PADI3: variants seen among roughly 807,000 people sequenced by gnomAD.
The protein encoded by PADI3 is protein-arginine deiminase type-3.
Under a neutral mutation model 71.5 loss-of-function variants are expected in PADI3, and 53 were observed. That is an observed-to-expected ratio of 0.74 (90% confidence interval 0.59 to 0.93). The LOEUF is 0.93. Among genes scored for constraint, PADI3 ranks in the 40% least tolerant of loss-of-function variants. The pLI is 0.00. For missense variants in PADI3, 821 were observed against 868.0 expected (o/e 0.95, Z 0.68); for synonymous variants, 361 against 347.5 (o/e 1.04, Z -0.43).
chr1:17,271,201 G>T, intron 9 of PADI3, 23 bp downstream of exon 9: 1 of 1,598,852 alleles, frequency 6.3e-7, no homozygotes, highest in Non-Finnish European at 8.6e-7. Flanking sequence ...ACTGGGCAGG[G>T]CCCAGCAAGG....
intron 3 of PADI3, among the ~76,000 whole-genome samples, chr1:17,265,140 G>A (rs1039015104): frequency 6.6e-6 from 1 of 151,828 alleles, no homozygotes; most frequent in Non-Finnish European, 1.5e-5. Flanking sequence ...CCTCCTGAAT[G>A]CTCCATTTGC....
chr1:17,267,038 C>T (rs1470756471), intron 5 of PADI3, among the ~76,000 whole-genome samples: 2 of 152,198 alleles, frequency 1.3e-5, no homozygotes, highest in Non-Finnish European at 2.9e-5. Flanking sequence ...TGAGCACTCA[C>T]ATGCCAGGGC....
chr1:17,270,335 A>C lies in PADI3; in HGVS notation c.755A>C (p.Glu252Ala), dbSNP rs556977132. ...LHGDEERFFV[E>A]GLSFPDAGFT... ...GGGGATGAGGAGCGCTTCTTCGTGG[A>C]AGGCCTGTCCTTCCCTGATGCCGGC... is the stretch of plus-strand genomic sequence containing the variant. Residue 252 changes from glutamate (E) to alanine (A), a missense_variant, in exon 7 of 16, where the codon GAA (glutamate) becomes GCA (alanine). Glu to Ala is a moderately radical substitution (Grantham distance 107). Transcript: ENST00000375460. The C allele has an allele frequency of 6.2e-7, 1 of 1,613,942 alleles. No homozygotes were observed. Among genetic ancestry groups the C allele is most frequent in the South Asian group, 1.1e-5 (1 of 91,070 alleles).
intron 11 of PADI3, among the ~76,000 whole-genome samples, chr1:17,276,286 G>A (rs942226055): frequency 2.0e-5 from 3 of 152,056 alleles, no homozygotes; most frequent in Non-Finnish European, 4.4e-5. Flanking sequence ...GCAATGAGGC[G>A]AGATCACGCC....
At chr1:17,273,280 C>T in intron 9 of PADI3, 60 bp from the exon 10 acceptor site, 1 of 1,354,356 alleles carries the variant, frequency 7.4e-7, no homozygotes, top group Non-Finnish European at 1.0e-6. Flanking sequence ...CAGAGCCGAG[C>T]CAGCAGGGGC....
chr1:17,280,281 C>A, intron 13 of PADI3, 69 bp from the exon 14 acceptor site: 1 of 1,248,086 alleles, frequency 8.0e-7, no homozygotes, highest in Non-Finnish European at 1.2e-6. Context: ...TGCCTGTCTG[C>A]TTCCCTAAGC....
chr1:17,250,504 T>C (rs761420455), intron 1 of PADI3, among the ~76,000 whole-genome samples: 4 of 151,826 alleles, frequency 2.6e-5, no homozygotes, highest in Admixed American at 1.3e-4. Context: ...GGAGCAGCGA[T>C]GGGGTTGATC....
chr1:17,267,432 G>A (rs2073185007), intron 5 of PADI3, among the ~76,000 whole-genome samples: 1 of 152,202 alleles, frequency 6.6e-6, no homozygotes, highest in Admixed American at 6.5e-5. Flanking sequence ...GCCCACGGTT[G>A]CCTTCTGAAG....
chr1:17,252,686 G>C (rs1226154228), intron 1 of PADI3, among the ~76,000 whole-genome samples: 2 of 152,190 alleles, frequency 1.3e-5, no homozygotes, highest in Non-Finnish European at 2.9e-5. Flanking sequence ...TTACAGGTGA[G>C]AGCCACCGTG....
At position 17,267,767 on chromosome 1, in the gene PADI3, C is replaced by A. The variant is rs997103189; in HGVS notation, c.527-70C>A. Reference sequence around the variant, plus strand: ...GATACCCACTGACCTGGGGAGGGAGCTGGGCAGCAGAGGAAGGGGCCAGGG... The same window carrying A: ...GATACCCACTGACCTGGGGAGGGAGATGGGCAGCAGAGGAAGGGGCCAGGG... On this transcript the variant is annotated intron_variant, in intron 5 of 15. Coordinates refer to ENST00000375460, the MANE Select transcript of PADI3 (RefSeq NM_016233.2). The A allele has an allele frequency of 1.2e-5, 19 of 1,577,222 alleles. 1 individual carries two copies. The South Asian group carries it at 1.8e-4, about 15-fold the overall frequency.
chr1:17,275,856 C>T (rs2073323235), intron 11 of PADI3, among the ~76,000 whole-genome samples: 1 of 152,194 alleles, frequency 6.6e-6, no homozygotes, highest in Non-Finnish European at 1.5e-5. Context: ...GGACCATGCC[C>T]TTAGATACAT....
At chr1:17,269,778 C>A (rs1458697385) in intron 6 of PADI3, among the ~76,000 whole-genome samples, 1 of 151,954 alleles carries the variant, frequency 6.6e-6, no homozygotes, top group Admixed American at 6.6e-5. Flanking sequence ...CCACCACCGC[C>A]CGGCTAATTT....
Position 17,264,763 on chromosome 1 carries a change from C to A in PADI3, c.347-896C>A, listed in dbSNP as rs556941610. ...TGGTGGCTCATGCTTGTAATCCCAG[C>A]ACTTTGGGAGGCTGGGGTGGGTGGA... On this transcript the variant is annotated intron_variant, in intron 3 of 15. Coordinates refer to ENST00000375460, the MANE Select transcript of PADI3 (RefSeq NM_016233.2). 2.0e-5 allele frequency among the ~76,000 whole-genome samples: 3 copies of A among 152,270 alleles called. 1 individual carries two copies. In the South Asian group the frequency reaches 6.2e-4, roughly 32 times the overall value.
chr1:17,254,877 C>T (rs1437802517), intron 1 of PADI3, among the ~76,000 whole-genome samples: 3 of 152,100 alleles, frequency 2.0e-5, no homozygotes, highest in African/African-American at 2.4e-5. Context: ...CCACCACGCC[C>T]GGCTAGTTTT....
At chr1:17,268,767 A>G (rs1460923121) in intron 6 of PADI3, among the ~76,000 whole-genome samples, 1 of 152,038 alleles carries the variant, frequency 6.6e-6, no homozygotes, top group Non-Finnish European at 1.5e-5. Context: ...TCGGCCTCCC[A>G]AAGTGCTGGG....
chr1:17,249,113 G>T lies in PADI3; in HGVS notation c.-25G>T, dbSNP rs745329277. 38 of 1,603,920 alleles carry T rather than the reference G, an allele frequency of 2.4e-5. No individual in the cohort carries two copies. In the East Asian group the frequency reaches 3.1e-4, roughly 13 times the overall value. On this transcript the variant is annotated 5_prime_UTR_variant, in exon 1 of 16. Coordinates refer to ENST00000375460, the MANE Select transcript of PADI3 (RefSeq NM_016233.2). ...CCTCAGGGGCAGTGTTGGGGTTGGC[G>T]GCCACAGCTAAGTCCAACACCAGCA... is the stretch of plus-strand genomic sequence containing the variant.
chr1:17,274,840 T>C, intron 11 of PADI3, 54 bp downstream of exon 11: 1 of 1,554,568 alleles, frequency 6.4e-7, no homozygotes, highest in Non-Finnish European at 8.8e-7. Context: ...GGGTTGGGGG[T>C]GGTGATGATG....
At chr1:17,263,426 C>G (rs1169575966) in intron 3 of PADI3, among the ~76,000 whole-genome samples, 1 of 151,680 alleles carries the variant, frequency 6.6e-6, no homozygotes, top group Non-Finnish European at 1.5e-5. Context: ...ATAGACAGAC[C>G]CATGCTTGTG....
At chr1:17,275,871 G>C (rs2977298) in intron 11 of PADI3, among the ~76,000 whole-genome samples, 151,589 of 152,334 alleles carry the variant, frequency 1, 75,427 homozygotes, top group Middle Eastern at 1. Flanking sequence ...ATACATTTTC[G>C]TAAAAATTGA....
Sources: gnomAD v4.1 joint callset for allele counts (sites outside exome capture counted in the v4.1 genomes callset) on GRCh38, gnomAD v4.1.1 for gene constraint, MANE v1.5 for transcripts, NCBI Gene and HGNC (gene_info 2026-07-23, HGNC 2026-07-21) for gene names.